The following SFMBT1 variants were observed in gnomAD, a reference collection of about 807,000 sequenced individuals.
SFMBT1 encodes the protein Scm like with four mbt domains 1.
In SFMBT1, 32 loss-of-function variants were observed where a neutral mutation model predicts 108.7. That is an observed-to-expected ratio of 0.29 (90% CI 0.22 to 0.40). The LOEUF (loss-of-function observed/expected upper bound fraction) is 0.40. Among genes scored for constraint, SFMBT1 ranks in the 10% least tolerant of loss-of-function variants. SFMBT1 has a pLI of 1.00. For synonymous variants in SFMBT1, 348 were observed against 369.5 expected (o/e 0.94, Z 0.67); for missense variants, 816 against 1,059.6 (o/e 0.77, Z 3.19).
At chr3:52,939,479 C>T (rs1703117147) in intron 4 of SFMBT1, among the ~76,000 whole-genome samples, 1 of 152,122 alleles carries the variant, frequency 6.6e-6, no homozygotes, top group South Asian at 2.1e-4. Flanking sequence ...GAGGCTGAGG[C>T]AGAAGAACTG....
At position 52,906,999 on chromosome 3, in the gene SFMBT1, T is replaced by C; in HGVS notation, c.2331+70A>G. On this transcript the variant is annotated intron_variant, in intron 19 of 20. Transcript: ENST00000394752. ...GAAAGAAGTAGAATGTCAATATCAC[T>C]AATAATCATATTCCAGATGGAAATT... is the stretch of plus-strand genomic sequence containing the variant. 3.9e-6 allele frequency: 6 copies of C among 1,523,084 alleles called. No homozygotes were observed. In the South Asian group the frequency reaches 6.7e-5, roughly 17 times the overall value. 94.3% of individuals were successfully genotyped at this position (1,523,084 alleles called of 1,614,324 possible). A position where few individuals can be genotyped will look rare whatever the true frequency, so the allele number is the denominator to read the frequency against.
intron 2 of SFMBT1, among the ~76,000 whole-genome samples, chr3:52,967,132 GAAAC>G (rs962923917): frequency 6.6e-6 from 1 of 151,958 alleles, no homozygotes; most frequent in African/African-American, 2.4e-5. Flanking sequence ...CTGCTCTAGA[GAAAC>G]AAACAAACAA....
At chr3:52,921,672 C>T in intron 11 of SFMBT1, 33 bp downstream of exon 11, 2 of 1,605,878 alleles carry the variant, frequency 1.2e-6, no homozygotes, top group Non-Finnish European at 1.7e-6. Flanking sequence ...AGGAGAGTGG[C>T]CACAGGAAGG....
intron 1 of SFMBT1, among the ~76,000 whole-genome samples, chr3:53,026,869 C>T (rs1378512405): frequency 2.0e-5 from 3 of 152,274 alleles, no homozygotes; most frequent in South Asian, 2.1e-4. Context: ...GGTGCAATCA[C>T]GGCTTACTGC....
chr3:52,984,726 C>CTCTGTG (rs1704842947), intron 1 of SFMBT1, among the ~76,000 whole-genome samples: 1 of 140,198 alleles, frequency 7.1e-6, no homozygotes, highest in Non-Finnish European at 1.5e-5. Flanking sequence ...ATACTAAATA[C>CTCTGTG]TGTGTGTGTG....
At chr3:53,024,776 T>C (rs936078329) in intron 1 of SFMBT1, among the ~76,000 whole-genome samples, 5 of 152,226 alleles carry the variant, frequency 3.3e-5, no homozygotes, top group African/African-American at 9.6e-5. Context: ...CTGGAAATCA[T>C]ACAACAGAAA....
chr3:52,987,789 A>G (rs1232595494), intron 1 of SFMBT1, among the ~76,000 whole-genome samples: 6 of 152,234 alleles, frequency 3.9e-5, no homozygotes, highest in Admixed American at 1.3e-4. Context: ...TGGCACCTAG[A>G]CAGATGCTGC....
intron 2 of SFMBT1, among the ~76,000 whole-genome samples, chr3:52,954,989 C>T (rs753014661): frequency 8.6e-5 from 13 of 151,944 alleles, no homozygotes; most frequent in Non-Finnish European, 1.6e-4. Context: ...CCTAACGTCA[C>T]GACTAAATCA....
In SFMBT1 at chr3:52,905,022, G is replaced by A. The variant is rs1427985339; in HGVS notation, c.*114C>T. The A allele has an allele frequency of 1.4e-6, 2 of 1,415,214 alleles. No homozygotes were observed. The highest frequency in any genetic ancestry group is 2.4e-5 in the East Asian group (1 of 40,906). 87.7% of individuals were successfully genotyped at this position (1,415,214 alleles called of 1,614,324 possible). ...TTCCCCGAAAGTGCAAAGAGAGCAA[G>A]CTGATACCTGCAGGCCCCAGAGCCC... On this transcript the variant is annotated 3_prime_UTR_variant, in exon 21 of 21. Coordinates refer to ENST00000394752, the MANE Select transcript of SFMBT1 (RefSeq NM_016329.4).
At position 52,943,400 on chromosome 3, in the gene SFMBT1, G is replaced by C. The variant is rs779024035; in HGVS notation, c.317C>G (p.Pro106Arg). The C allele has an allele frequency of 1.2e-6, 2 of 1,614,162 alleles. No homozygotes were observed. Among genetic ancestry groups the C allele is most frequent in the Admixed American group, 1.7e-5 (1 of 60,022 alleles). The stretch of plus-strand genomic sequence containing the variant: ...CTTATTCTGCTCACACCACCCAATG[G>C]GGTAGAGATCAGCCTTCCTGATGTC... ...WCDIRKADLY[P>R]IGWCEQNKKT... Residue 106 changes from proline to arginine, a missense_variant, in exon 4 of 21, where the codon CCC becomes CGC. Pro to Arg is a moderately radical substitution (Grantham distance 103). Around this residue, in one of 5 missense-constraint regions of SFMBT1, gnomAD observed 495 missense variants for 607.4 expected, o/e 0.81. Coordinates refer to ENST00000394752, the MANE Select transcript of SFMBT1 (RefSeq NM_016329.4).
At chr3:52,972,095 G>A (rs183242565) in intron 1 of SFMBT1, among the ~76,000 whole-genome samples, 44 of 152,308 alleles carry the variant, frequency 2.9e-4, no homozygotes, top group African/African-American at 9.9e-4. Context: ...TTGATAGAAC[G>A]AAGTCAGTGC....
chr3:52,912,334 C>T (rs1049243365), intron 16 of SFMBT1, among the ~76,000 whole-genome samples: 4 of 152,132 alleles, frequency 2.6e-5, no homozygotes, highest in Admixed American at 1.3e-4. Context: ...GCGTGTGCAC[C>T]GTGTCTGGCT....
intron 2 of SFMBT1, among the ~76,000 whole-genome samples, chr3:52,963,353 TA>T (rs944363607): frequency 6.6e-6 from 1 of 152,140 alleles, no homozygotes; most frequent in East Asian, 1.9e-4. Context: ...AAATTGAAAT[TA>T]AAAAAATTCT....
chr3:52,936,889 ATTTCT>A (rs1320861073), intron 4 of SFMBT1, among the ~76,000 whole-genome samples: 1 of 108,422 alleles, frequency 9.2e-6, no homozygotes, highest in African/African-American at 3.4e-5. Flanking sequence ...TCAATTACAC[ATTTCT>A]TTTTTTTTTT....
At chr3:52,954,268 C>A (rs374261260) in intron 3 of SFMBT1, 49 bp downstream of exon 3, 10 of 1,314,394 alleles carry the variant, frequency 7.6e-6, no homozygotes, top group South Asian at 1.3e-5. Flanking sequence ...TACAGAGATT[C>A]GAAATAAAGG....
At chr3:52,939,723 T>G (rs753937343) in intron 4 of SFMBT1, among the ~76,000 whole-genome samples, 9 of 152,222 alleles carry the variant, frequency 5.9e-5, no homozygotes, top group Admixed American at 1.3e-4. Flanking sequence ...AAGTCCTTTT[T>G]ATTTCTTTGT....
intron 16 of SFMBT1, among the ~76,000 whole-genome samples, chr3:52,911,401 G>A (rs1056509359): frequency 1.3e-5 from 2 of 152,170 alleles, no homozygotes; most frequent in African/African-American, 4.8e-5. Flanking sequence ...ATTTAAATTA[G>A]CAAAATTAAG....
chr3:53,034,662 C>T (rs1699807593), intron 1 of SFMBT1, among the ~76,000 whole-genome samples: 1 of 151,964 alleles, frequency 6.6e-6, no homozygotes, highest in Non-Finnish European at 1.5e-5. Context: ...GTGGGCCAGG[C>T]ATAGTGGCTC....
At chr3:52,950,322 T>C (rs1359368850) in intron 3 of SFMBT1, among the ~76,000 whole-genome samples, 1 of 152,198 alleles carries the variant, frequency 6.6e-6, no homozygotes, top group East Asian at 1.9e-4. Flanking sequence ...CTAATCCAAA[T>C]CCAATTTGTG....
Sources: gnomAD v4.1 joint callset for allele counts (sites outside exome capture counted in the v4.1 genomes callset) on GRCh38, gnomAD v4.1.1 for gene constraint, gnomAD v4.1.1 regional missense constraint, MANE v1.5 for transcripts, NCBI Gene and HGNC (gene_info 2026-07-23, HGNC 2026-07-21) for gene names.